The following RGPD4 variants were observed in gnomAD, a reference collection of about 807,000 sequenced individuals.
The protein encoded by RGPD4 is RANBP2 like and GRIP domain containing 4, also known as ranBP2-like and GRIP domain-containing protein 4.
A neutral mutation model predicts 141.1 loss-of-function variants in RGPD4; 84 were observed. The observed-to-expected ratio is 0.60, with a 90% CI of 0.50 to 0.71. RGPD4 has a LOEUF of 0.71. Ranked by LOEUF, RGPD4 falls within the 30% of genes least tolerant of loss-of-function variation. RGPD4 has a pLI of 0.00. For synonymous variants in RGPD4, 298 were observed against 566.8 expected (o/e 0.53, Z 6.74); for missense variants, 918 against 1,622.4 (o/e 0.57, Z 7.46).
chr2:107,845,384 C>A (rs1411868347), intron 6 of RGPD4, among the ~76,000 whole-genome samples: 12 of 150,450 alleles, frequency 8.0e-5, no homozygotes, highest in Non-Finnish European at 1.3e-4. Flanking sequence ...TTGTTCCCCA[C>A]CAGGAAGCCC....
chr2:107,878,108 G>A (rs974613415), intron 20 of RGPD4, among the ~76,000 whole-genome samples: 50 of 150,706 alleles, frequency 3.3e-4, no homozygotes, highest in South Asian at 2.7e-3. Flanking sequence ...CACCACGCCC[G>A]GCCTTGATGA....
At chr2:107,867,367 C>T (rs1222628341) in intron 18 of RGPD4, among the ~76,000 whole-genome samples, 2 of 151,970 alleles carry the variant, frequency 1.3e-5, no homozygotes, top group Non-Finnish European at 2.9e-5. Context: ...AAGGCAACCC[C>T]ACTAGCCTTT....
At chr2:107,849,587 G>T (rs1313334498) in intron 7 of RGPD4, among the ~76,000 whole-genome samples, 2 of 44,094 alleles carry the variant, frequency 4.5e-5, no homozygotes, top group African/African-American at 1.1e-4. Flanking sequence ...AGCCAGGATG[G>T]TCTCAATCTC....
intron 1 of RGPD4, among the ~76,000 whole-genome samples, chr2:107,827,778 C>A: frequency 6.0e-5 from 2 of 33,296 alleles, no homozygotes; most frequent in Admixed American, 4.0e-4. Context: ...CTGGCGCGCT[C>A]TGTTGAGGCG....
intron 22 of RGPD4, among the ~76,000 whole-genome samples, chr2:107,884,659 A>G (rs1432024362): frequency 3.1e-4 from 44 of 143,418 alleles, no homozygotes; most frequent in African/African-American, 9.4e-4. Context: ...ATGTCCAGAC[A>G]TCTTACTTTT....
At position 107,876,405 on chromosome 2, in the gene RGPD4, C is replaced by G. The variant is rs534699366; in HGVS notation, c.4924+3477C>G. ...CGCCTGGCTGACACATGTCCTAATT[C>G]TGGTATTCACCAGATTTGTTTCTTG... On this transcript the variant is annotated intron_variant, in intron 20 of 22. Coordinates refer to ENST00000408999, the MANE Select transcript of RGPD4 (RefSeq NM_182588.3). 7.7e-3 allele frequency among the ~76,000 whole-genome samples: 1,158 copies of G among 151,340 alleles called. 30 individuals are homozygous for G. Among genetic ancestry groups the G allele is most frequent in the African/African-American group, 0.026 (1,051 of 40,762 alleles).
At chr2:107,885,647 A>G (rs1383921793) in intron 22 of RGPD4, among the ~76,000 whole-genome samples, 2 of 152,190 alleles carry the variant, frequency 1.3e-5, no homozygotes, top group Non-Finnish European at 2.9e-5. Context: ...CCCTTTAAAG[A>G]TTATTTACTA....
chr2:107,879,959 A>G lies in RGPD4; in HGVS notation c.4925-9A>G, dbSNP rs1196059155. On this transcript the variant is annotated splice_polypyrimidine_tract_variant and intron_variant, in intron 20 of 22. Transcript: ENST00000408999. ...TTTGAAAATTAATTCTTGGAACAAC[A>G]TGTTGCAGAGCCTCCATTATGGCAT... 1.9e-6 allele frequency: 3 copies of G among 1,610,958 alleles called. No individual in the cohort carries two copies. Among genetic ancestry groups the G allele is most frequent in the Admixed American group, 1.7e-5 (1 of 59,938 alleles).
At position 107,845,027 on chromosome 2, in the gene RGPD4, G is replaced by A. The variant is rs572358862; in HGVS notation, c.782+1297G>A. The stretch of plus-strand genomic sequence containing the variant: ...ATTTTTGTATTTTTAGTAGAGACGG[G>A]GTTCAGGATGGTCTCAATCTCTCTT... On this transcript the variant is annotated intron_variant, in intron 6 of 22. Coordinates refer to ENST00000408999, the MANE Select transcript of RGPD4 (RefSeq NM_182588.3). Among the ~76,000 whole-genome samples the A allele has an allele frequency of 3.5e-5, 5 of 141,958 alleles. No individual in the cohort carries two copies. In the Admixed American group the frequency reaches 3.5e-4, roughly 10 times the overall value. 93.1% of individuals were successfully genotyped at this position (141,958 alleles called of 152,430 possible). A position where few individuals can be genotyped will look rare whatever the true frequency, so the allele number is the denominator to read the frequency against.
Position 107,880,031 on chromosome 2 carries a change from C to T in RGPD4, c.4988C>T (p.Thr1663Ile), listed in dbSNP as rs755242534. ...EELVQKLSSTTKSADHLNGLL... is the reference protein window; with the variant it reads ...EELVQKLSSTIKSADHLNGLL... ...TTGGTTCAGAAGCTCAGTTCCACCA[C>T]AAAAAGTGCAGATCACTTAAACGGC... The change falls in exon 21 of 23, where the codon ACA becomes ATA. Residue 1663 changes from threonine (T) to isoleucine (I), a missense_variant. By Grantham distance (89) the Thr-to-Ile change is moderately conservative. Transcript: ENST00000408999. The T allele has an allele frequency of 1.2e-6, 2 of 1,611,418 alleles. No homozygotes were observed. The highest frequency in any genetic ancestry group is 2.2e-5 in the East Asian group (1 of 44,862).
chr2:107,844,802 C>T (rs556335417), intron 6 of RGPD4, among the ~76,000 whole-genome samples: 1,001 of 53,882 alleles, frequency 0.019, 39 homozygotes, highest in African/African-American at 0.069. Context: ...TATGTGGGTT[C>T]CTTTCTTTCT....
intron 22 of RGPD4, among the ~76,000 whole-genome samples, chr2:107,884,982 G>GT (rs1323134682): frequency 1.3e-5 from 2 of 151,510 alleles, no homozygotes; most frequent in Non-Finnish European, 2.9e-5. Context: ...TTTGAATCTG[G>GT]TTTTTTATAA....
intron 22 of RGPD4, among the ~76,000 whole-genome samples, chr2:107,887,046 C>A (rs1171867006): frequency 1.3e-5 from 2 of 148,266 alleles, no homozygotes; most frequent in African/African-American, 5.0e-5. Context: ...AGTTCAGAAT[C>A]AGCCTGGGCA....
In RGPD4 at chr2:107,826,911, T is replaced by A; in HGVS notation, c.-103T>A. The stretch of plus-strand genomic sequence containing the variant: ...TTCGTCACAGTGGTCCTCCGCCGGC[T>A]ACGCGGAGTCAGTGGCTTTCAGGCG... On this transcript the variant is annotated 5_prime_UTR_variant, in exon 1 of 23. Coordinates refer to ENST00000408999, the MANE Select transcript of RGPD4 (RefSeq NM_182588.3). 6.5e-7 allele frequency: 1 copy of A among 1,545,122 alleles called. No homozygotes were observed. Among genetic ancestry groups the A allele is most frequent in the Non-Finnish European group, 8.7e-7 (1 of 1,144,458 alleles).
intron 20 of RGPD4, among the ~76,000 whole-genome samples, chr2:107,878,592 T>C (rs1683160892): frequency 6.7e-6 from 1 of 148,296 alleles, no homozygotes; most frequent in Non-Finnish European, 1.5e-5. Flanking sequence ...TAAAATTTCT[T>C]TCAATATTCC....
chr2:107,871,159 T>C lies in RGPD4; in HGVS notation c.3155T>C (p.Ile1052Thr), dbSNP rs2674191. 3.0e-5 allele frequency: 49 copies of C among 1,610,292 alleles called. No homozygotes were observed. Among genetic ancestry groups the C allele is most frequent in the South Asian group, 3.3e-5 (3 of 90,922 alleles). ...ATGCCTGAAAAAGTAGAACTTGTAA[T>C]AGGAGAAGAAGGTGAAAAAGTTCTG... ...VQMPEKVELV[I>T]GEEGEKVLYS... Residue 1052 changes from isoleucine to threonine, a missense_variant, in exon 20 of 23, where the codon ATA becomes ACA. Transcript: ENST00000408999.
rs397842530 is a variant in RGPD4, at chr2:107,871,024, A to G, written c.3020A>G (p.Gln1007Arg). 2.5e-6 allele frequency: 4 copies of G among 1,611,086 alleles called. No individual in the cohort carries two copies. The Admixed American group carries it at 5.0e-5, about 20-fold the overall frequency. ...SGAGEKLFSS[Q>R]CGKMANKANT... ...GCTGGAGAAAAATTATTCTCATCAC[A>G]ATGCGGTAAAATGGCCAATAAAGCA... The change falls in exon 20 of 23, where the codon CAA (glutamine) becomes CGA (arginine). Residue 1007 changes from glutamine (Q) to arginine (R), a missense_variant. Transcript: ENST00000408999.
intron 7 of RGPD4, among the ~76,000 whole-genome samples, chr2:107,852,259 A>G (rs1309816520): frequency 1.3e-5 from 2 of 150,496 alleles, no homozygotes. Context: ...TCAAAAAAAA[A>G]AAAAAAGGAA....
rs560296483 is a variant in RGPD4 at position 107,857,853 on chromosome 2, G to A, written c.1276+884G>A. On this transcript the variant is annotated intron_variant, in intron 9 of 22. Coordinates refer to ENST00000408999, the MANE Select transcript of RGPD4 (RefSeq NM_182588.3). ...CTAAAAATACAAAAATTATCCGGGG[G>A]TGGTGGCATGTGCCTGTAGTCCCTA... is the stretch of plus-strand genomic sequence containing the variant. Among the ~76,000 whole-genome samples, 72 of 151,842 alleles carry A rather than the reference G, an allele frequency of 4.7e-4. No homozygotes were observed. The East Asian group carries it at 0.013, about 28-fold the overall frequency.
Sources: gnomAD v4.1 joint callset for allele counts (sites outside exome capture counted in the v4.1 genomes callset) on GRCh38, gnomAD v4.1.1 for gene constraint, MANE v1.5 for transcripts, NCBI Gene and HGNC (gene_info 2026-07-23, HGNC 2026-07-21) for gene names.